Variants in GRHL3 observed in about 807,000 individuals in gnomAD.
The protein encoded by GRHL3 is grainyhead like transcription factor 3, also known as grainyhead-like protein 3 homolog.
A neutral mutation model predicts 70.3 loss-of-function variants in GRHL3; 20 were observed. The observed-to-expected ratio is 0.28, with a 90% confidence interval of 0.20 to 0.41. The LOEUF (loss-of-function observed/expected upper bound fraction) is 0.41. GRHL3 is among the 10% of genes least tolerant of loss of function. The pLI, the probability that GRHL3 is intolerant of heterozygous loss-of-function variation, is 1.00. For synonymous variants in GRHL3, 299 were observed against 299.9 expected (o/e 1.00, Z 0.03); for missense variants, 637 against 762.3 (o/e 0.84, Z 1.94).
At chr1:24,339,793 A>G (rs781602418) in intron 8 of GRHL3, 31 bp downstream of exon 8, 11 of 1,468,266 alleles carry the variant, frequency 7.5e-6, no homozygotes, top group Non-Finnish European at 9.4e-6. Context: ...CTGGGATGGG[A>G]CTGGGCTGCC....
Position 24,322,032 on chromosome 1 carries a change from C to T in GRHL3, c.17+2464C>T, listed in dbSNP as rs1400299286. Reference sequence around the variant, plus strand: ...GCGTCGGGTTTTCCTGAAGGTGCGTCGGGGCCCCCGGGGAGCTGGAGCCGC... The same window carrying T: ...GCGTCGGGTTTTCCTGAAGGTGCGTTGGGGCCCCCGGGGAGCTGGAGCCGC... On this transcript the variant is annotated intron_variant, in intron 1 of 15. Transcript: ENST00000361548. The surrounding 1 kb of genome is among the most constrained non-coding windows in gnomAD (Gnocchi z 4.4). The T allele has an allele frequency of 1.3e-5, 2 of 152,088 alleles. No homozygotes were observed. Among genetic ancestry groups the T allele is most frequent in the Non-Finnish European group, 2.9e-5 (2 of 67,996 alleles). The allele number at this position is 152,088 out of a possible 1,614,324, so 9.4% of individuals were successfully genotyped here.
intron 14 of GRHL3, among the ~76,000 whole-genome samples, chr1:24,349,364 C>G (rs6686150): frequency 0.077 from 11,696 of 152,274 alleles, 916 homozygotes; most frequent in African/African-American, 0.2. Context: ...GCTCCGCATG[C>G]TCGCCCAACA....
At chr1:24,357,085 A>G (rs1250722306), downstream of GRHL3, 1 of 138,116 alleles carries the variant, frequency 7.2e-6, no homozygotes, top group African/African-American at 2.6e-5. Context: ...TGAACAAAAC[A>G]TCACAGTTTT....
At position 24,334,903 on chromosome 1, in the gene GRHL3, T is replaced by C. The variant is rs1639737262; in HGVS notation, c.266+197T>C. Among the ~76,000 whole-genome samples the C allele has an allele frequency of 6.6e-6, 1 of 152,134 alleles. No homozygotes were observed. Among genetic ancestry groups the C allele is most frequent in the African/African-American group, 2.4e-5 (1 of 41,408 alleles). On this transcript the variant is annotated intron_variant, in intron 3 of 15. Transcript: ENST00000361548. This position sits in a 1 kb window ranked among gnomAD's most constrained non-coding sequence, Gnocchi z 4.3. ...AATCAATATAATCCAACTTGGATTA[T>C]ATTCATCTTTATACCATTGTACTTA...
rs908953686 is a variant in GRHL3, at chr1:24,336,602, G to C, written c.387G>C (p.Lys129Asn). The C allele has an allele frequency of 1.2e-6, 2 of 1,614,140 alleles. No homozygotes were observed. The highest frequency in any genetic ancestry group is 2.2e-5 in the South Asian group (2 of 91,058). Residue 129 changes from lysine (K) to asparagine (N), a missense_variant, in exon 4 of 16, where the codon AAG becomes AAC. Physicochemically the swap from Lys to Asn is moderately conservative, Grantham distance 94. Transcript: ENST00000361548. ...CAGAGTACCCAGATTTGCTCAAGAA[G>C]AATAACCTGATGAGCTTGGAGGGGG... Reference protein sequence around the residue: ...GTPEYPDLLKKNNLMSLEGAL... With the variant: ...GTPEYPDLLKNNNLMSLEGAL...
At chr1:24,358,577 T>C, downstream of GRHL3, 1 of 1,614,062 alleles carries the variant, frequency 6.2e-7, no homozygotes, top group Non-Finnish European at 8.5e-7. Context: ...GTCCTCGTTG[T>C]AGAGGAAGGA....
In GRHL3 at chr1:24,338,031, G is replaced by A. The variant is rs750665556; in HGVS notation, c.880G>A (p.Val294Ile). ...TGTCTTCGACAATGAGAAGGTCCCA[G>A]TAGAGCAGCTGCGCTTCTGGAAGCA... ...MVVFDNEKVP[V>I]EQLRFWKHWH... is the part of the protein sequence containing the mutation. Residue 294 changes from valine (V) to isoleucine (I), a missense_variant, in exon 7 of 16, where the codon GTA (valine) becomes ATA (isoleucine). Coordinates refer to ENST00000361548, the MANE Select transcript of GRHL3 (RefSeq NM_198173.3). 6.2e-7 allele frequency: 1 copy of A among 1,613,196 alleles called. No homozygotes were observed. Among genetic ancestry groups the A allele is most frequent in the Non-Finnish European group, 8.5e-7 (1 of 1,179,556 alleles).
Position 24,334,587 on chromosome 1 carries a change from G to A in GRHL3, c.205-58G>A. 1 of 1,432,078 alleles carries A rather than the reference G, an allele frequency of 7.0e-7. No homozygotes were observed. Among genetic ancestry groups the A allele is most frequent in the Non-Finnish European group, 9.8e-7 (1 of 1,020,464 alleles). The allele number at this position is 1,432,078 out of a possible 1,614,324, so 88.7% of individuals were successfully genotyped here. A position where few individuals can be genotyped will look rare whatever the true frequency, so the allele number is the denominator to read the frequency against. ...CTGGCCAAAGCTGCAGGAGGGGATT[G>A]AGGCTCCTACCAGCAGAAGCTTAGC... On this transcript the variant is annotated intron_variant, in intron 2 of 15. Coordinates refer to ENST00000361548, the MANE Select transcript of GRHL3 (RefSeq NM_198173.3). This position sits in a 1 kb window ranked among gnomAD's most constrained non-coding sequence, Gnocchi z 4.3.
intron 15 of GRHL3, among the ~76,000 whole-genome samples, chr1:24,351,849 C>T (rs557263702): frequency 6.6e-6 from 1 of 152,152 alleles, no homozygotes. Flanking sequence ...TCTCGTTGAC[C>T]CTTTGAGCTG....
rs1396323794 is a variant in GRHL3 at position 24,337,108 on chromosome 1, T to G, written c.643T>G (p.Ser215Ala). Residue 215 changes from serine to alanine, a missense_variant, in exon 5 of 16, where the codon TCC becomes GCC. By Grantham distance (99) the Ser-to-Ala change is moderately conservative (BLOSUM62 1). This residue lies in a region of GRHL3 where 387 missense variants were observed against 513.8 expected (regional missense o/e 0.75). Transcript: ENST00000361548. Reference protein sequence around the residue: ...SMLFPDILKTSPEPPCPEDYP... With the variant: ...SMLFPDILKTAPEPPCPEDYP... ...GCTCTTCCCAGATATCCTGAAAACC[T>G]CCCCGGAACCCCCATGTCCAGAGGA... is the stretch of plus-strand genomic sequence containing the variant. 1 of 1,614,024 alleles carries G rather than the reference T, an allele frequency of 6.2e-7. No individual in the cohort carries two copies. Among genetic ancestry groups the G allele is most frequent in the East Asian group, 2.2e-5 (1 of 44,868 alleles).
rs374570740 is a variant in GRHL3, at chr1:24,322,517, A to G, written c.17+2949A>G. ...TACGCTGCTGCTGAATGAAAAGTTA[A>G]AAGCCCTCTTTGAGTTCGGGCTGTA... On this transcript the variant is annotated intron_variant, in intron 1 of 15. Transcript: ENST00000361548. This position sits in a 1 kb window ranked among gnomAD's most constrained non-coding sequence, Gnocchi z 4.4. 1.6e-4 allele frequency among the ~76,000 whole-genome samples: 24 copies of G among 152,370 alleles called. No individual in the cohort carries two copies. The highest frequency in any genetic ancestry group is 5.3e-4 in the African/African-American group (22 of 41,598).
At position 24,344,910 on chromosome 1, in the gene GRHL3, C is replaced by G. The variant is rs151284236; in HGVS notation, c.1433C>G (p.Ala478Gly). The G allele has an allele frequency of 1.9e-4, 301 of 1,613,536 alleles. No homozygotes were observed. The highest frequency in any genetic ancestry group is 2.4e-4 in the Non-Finnish European group (283 of 1,179,742). The change falls in exon 12 of 16, where the codon GCA becomes GGA. Residue 478 changes from alanine to glycine, a missense_variant. Physicochemically the swap from Ala to Gly is moderately conservative, Grantham distance 60. This residue lies in a region of GRHL3 where 387 missense variants were observed against 513.8 expected (regional missense o/e 0.75). Coordinates refer to ENST00000361548, the MANE Select transcript of GRHL3 (RefSeq NM_198173.3). ...LQRSGGAAPS[A>G]GPSSSNRLPL... The stretch of plus-strand genomic sequence containing the variant: ...ACTTCATTGCAGGCAGCCCCCTCGG[C>G]AGGACCCAGCAGCTCCAACAGGTAT...
In GRHL3 at chr1:24,342,023, C is replaced by A; in HGVS notation, c.1048-92C>A. ...GTGAGGCTTAAGGGTGAGCAGCAGGCACACAGAAAGCTAGAAATACAGGAT... is the reference window on the plus strand; with the variant it reads ...GTGAGGCTTAAGGGTGAGCAGCAGGAACACAGAAAGCTAGAAATACAGGAT... On this transcript the variant is annotated intron_variant, in intron 8 of 15. Coordinates refer to ENST00000361548, the MANE Select transcript of GRHL3 (RefSeq NM_198173.3). This position sits in a 1 kb window ranked among gnomAD's most constrained non-coding sequence, Gnocchi z 4.8. The A allele has an allele frequency of 8.1e-7, 1 of 1,237,686 alleles. No homozygotes were observed. The highest frequency in any genetic ancestry group is 1.1e-6 in the Non-Finnish European group (1 of 893,038). The allele number at this position is 1,237,686 out of a possible 1,614,324, so 76.7% of individuals were successfully genotyped here.
At chr1:24,349,168 C>T (rs1640405991) in intron 14 of GRHL3, among the ~76,000 whole-genome samples, 1 of 152,172 alleles carries the variant, frequency 6.6e-6, no homozygotes, top group Admixed American at 6.5e-5. Flanking sequence ...TGTGCCTGCC[C>T]CAGAGGAAAC....
chr1:24,345,159 C>A (rs1392630230), intron 12 of GRHL3, among the ~76,000 whole-genome samples: 1 of 78,858 alleles, frequency 1.3e-5, no homozygotes. Flanking sequence ...CACCTGTGCC[C>A]CCTCCACACC....
At chr1:24,346,026 A>T (rs2148663288) in intron 12 of GRHL3, among the ~76,000 whole-genome samples, 1 of 152,268 alleles carries the variant, frequency 6.6e-6, no homozygotes, top group South Asian at 2.1e-4. Flanking sequence ...GCGGAAACTG[A>T]GGCTCAGAGA....
rs1224533843 is a variant in GRHL3 at position 24,347,499 on chromosome 1, G to A, written c.1575G>A (p.Glu525=). Residue 525 remains glutamate (E), a synonymous_variant, in exon 14 of 16, where the codon GAG becomes GAA. Coordinates refer to ENST00000361548, the MANE Select transcript of GRHL3 (RefSeq NM_198173.3). ...TGTATGTGCGGAGGGAGACTGAGGA[G>A]GTGTTTGACGCGCTCATGTTGAAGA... ...VLLYVRRETE[E]VFDALMLKTP... The A allele has an allele frequency of 9.9e-6, 16 of 1,614,190 alleles. No homozygotes were observed. The highest frequency in any genetic ancestry group is 1.4e-5 in the Non-Finnish European group (16 of 1,180,004).
At chr1:24,349,219 A>G (rs1461407063) in intron 14 of GRHL3, among the ~76,000 whole-genome samples, 1 of 152,156 alleles carries the variant, frequency 6.6e-6, no homozygotes, top group African/African-American at 2.4e-5. Context: ...TGGCTGTGTG[A>G]TCTCAGGCAG....
chr1:24,345,487 T>C (rs1291684420), intron 12 of GRHL3, among the ~76,000 whole-genome samples: 3 of 151,578 alleles, frequency 2.0e-5, no homozygotes, highest in Non-Finnish European at 4.4e-5. Flanking sequence ...TGCCTGGGTT[T>C]TTATGGGTTT....
Sources: allele counts gnomAD v4.1 joint callset (sites outside exome capture counted in the v4.1 genomes callset), GRCh38; gene constraint gnomAD v4.1.1; regional missense constraint gnomAD v4.1.1; non-coding constraint Gnocchi (gnomAD v3.1); transcripts MANE v1.5; gene names NCBI Gene and HGNC (gene_info 2026-07-23, HGNC 2026-07-21).